The following RFX3 variants were observed in gnomAD, a reference collection of about 807,000 sequenced individuals.
RFX3 encodes regulatory factor X3.
RFX3 carries 14 observed loss-of-function variants against 98.6 expected under a neutral mutation model. The observed-to-expected ratio is 0.14, with a 90% CI of 0.09 to 0.22. The LOEUF is 0.22. RFX3 is among the 10% of genes least tolerant of loss of function. RFX3 has a pLI of 1.00. For synonymous variants in RFX3, 383 were observed against 328.4 expected (o/e 1.17, Z -1.80); for missense variants, 639 against 926.9 (o/e 0.69, Z 4.03).
intron 4 of RFX3, among the ~76,000 whole-genome samples, chr9:3,303,146 G>A (rs946566411): frequency 3.1e-4 from 47 of 151,730 alleles, no homozygotes; most frequent in Non-Finnish European, 8.8e-5. Context: ...CTGCCAGAAT[G>A]GATGTTAATG....
At chr9:3,241,001 G>GT (rs1374805701) in intron 15 of RFX3, among the ~76,000 whole-genome samples, 1 of 152,214 alleles carries the variant, frequency 6.6e-6, no homozygotes, top group African/African-American at 2.4e-5. Flanking sequence ...AGAGGACTGT[G>GT]TGCTGAGATT....
chr9:3,469,123 G>C (rs747595105), intron 1 of RFX3: 9 of 450,210 alleles, frequency 2.0e-5, no homozygotes, highest in Non-Finnish European at 9.0e-6. Context: ...TGTTACAGAT[G>C]ATCAAGGGAT....
chr9:3,372,649 G>C (rs1837994013), intron 2 of RFX3, among the ~76,000 whole-genome samples: 1 of 151,262 alleles, frequency 6.6e-6, no homozygotes. Context: ...CCAGGTTTGA[G>C]AGATTCTCCT....
At chr9:3,405,245 C>G (rs993811469) in intron 1 of RFX3, among the ~76,000 whole-genome samples, 2 of 151,982 alleles carry the variant, frequency 1.3e-5, no homozygotes, top group African/African-American at 4.8e-5. Flanking sequence ...AAGAGTTGAG[C>G]TGGGGTGTTT....
chr9:3,324,502 G>A (rs760979081), intron 4 of RFX3, among the ~76,000 whole-genome samples: 7 of 149,300 alleles, frequency 4.7e-5, no homozygotes, highest in East Asian at 2.0e-4. Flanking sequence ...GGAGTTCTTC[G>A]TGTGCTAATA....
At chr9:3,295,651 GAT>G (rs1827899031) in intron 5 of RFX3, among the ~76,000 whole-genome samples, 1 of 152,104 alleles carries the variant, frequency 6.6e-6, no homozygotes. Flanking sequence ...AAATGCCAAA[GAT>G]ATGTTTGTAA....
intron 15 of RFX3, among the ~76,000 whole-genome samples, chr9:3,236,809 TG>T (rs1369663092): frequency 3.9e-5 from 6 of 152,220 alleles, no homozygotes; most frequent in Non-Finnish European, 7.3e-5. Context: ...TCAGGTACCT[TG>T]GAGACCAGTT....
At chr9:3,310,636 TA>T (rs1829853846) in intron 4 of RFX3, among the ~76,000 whole-genome samples, 1 of 152,162 alleles carries the variant, frequency 6.6e-6, no homozygotes, top group African/African-American at 2.4e-5. Context: ...AACAACTTTG[TA>T]AAATAGTAAA....
intron 4 of RFX3, among the ~76,000 whole-genome samples, chr9:3,310,523 G>C (rs1829839406): frequency 6.6e-6 from 1 of 152,100 alleles, no homozygotes; most frequent in African/African-American, 2.4e-5. Flanking sequence ...TTTCATGGTA[G>C]AAACTTTCTT....
chr9:3,354,178 T>G (rs1835471048), intron 2 of RFX3, among the ~76,000 whole-genome samples: 1 of 151,982 alleles, frequency 6.6e-6, no homozygotes, highest in South Asian at 2.1e-4. Flanking sequence ...TAGGGGACAG[T>G]ATTTAGTAGT....
chr9:3,402,373 T>C (rs1443035020), intron 1 of RFX3, among the ~76,000 whole-genome samples: 1 of 152,164 alleles, frequency 6.6e-6, no homozygotes, highest in African/African-American at 2.4e-5. Context: ...TTCCTTCCTT[T>C]ATCCTTAGCA....
chr9:3,434,498 T>G (rs922583313), intron 1 of RFX3, among the ~76,000 whole-genome samples: 9 of 152,140 alleles, frequency 5.9e-5, no homozygotes, highest in African/African-American at 1.9e-4. Flanking sequence ...AAATTCATCC[T>G]AAATTCTTCT....
chr9:3,232,738 T>C (rs1818631695), intron 15 of RFX3, among the ~76,000 whole-genome samples: 1 of 150,016 alleles, frequency 6.7e-6, no homozygotes, highest in Non-Finnish European at 1.5e-5. Context: ...TGTTGTTAGA[T>C]TTGAGACCAG....
intron 4 of RFX3, among the ~76,000 whole-genome samples, chr9:3,324,779 A>G (rs1351055763): frequency 3.9e-5 from 6 of 152,092 alleles, no homozygotes; most frequent in South Asian, 2.1e-4. Flanking sequence ...TGTGGCAAAC[A>G]TGGTGAAACA....
intron 4 of RFX3, among the ~76,000 whole-genome samples, chr9:3,326,660 T>C (rs1432243549): frequency 1.3e-5 from 2 of 152,182 alleles, no homozygotes; most frequent in Non-Finnish European, 2.9e-5. Flanking sequence ...GCAAAGGACA[T>C]GATCTCGTTC....
At chr9:3,376,391 C>T (rs1414711495) in intron 2 of RFX3, among the ~76,000 whole-genome samples, 1 of 151,992 alleles carries the variant, frequency 6.6e-6, no homozygotes, top group Non-Finnish European at 1.5e-5. Context: ...ATGTTTGAGA[C>T]CAGAAACAAC....
At chr9:3,240,353 C>T (rs1375873851) in intron 15 of RFX3, among the ~76,000 whole-genome samples, 2 of 152,190 alleles carry the variant, frequency 1.3e-5, no homozygotes, top group Non-Finnish European at 1.5e-5. Context: ...GGAAATAGAA[C>T]GAACCTTGCT....
chr9:3,505,618 T>G (rs895545879), intron 1 of RFX3, among the ~76,000 whole-genome samples: 2 of 150,362 alleles, frequency 1.3e-5, no homozygotes, highest in African/African-American at 4.9e-5. Flanking sequence ...GCTACCAAAG[T>G]ATCAATATTA....
At chr9:3,454,804 A>C (rs1847000745) in intron 1 of RFX3, among the ~76,000 whole-genome samples, 1 of 152,178 alleles carries the variant, frequency 6.6e-6, no homozygotes, top group African/African-American at 2.4e-5. Context: ...ATGTGTATCA[A>C]ATCATCTAAT....
Sources: gnomAD v4.1 joint callset for allele counts (sites outside exome capture counted in the v4.1 genomes callset) on GRCh38, gnomAD v4.1.1 for gene constraint, MANE v1.5 for transcripts, NCBI Gene and HGNC (gene_info 2026-07-23, HGNC 2026-07-21) for gene names.